Variants in UBE2F observed in about 807,000 individuals in gnomAD.
UBE2F encodes the protein NEDD8-conjugating enzyme UBE2F.
Under a neutral mutation model 29.6 loss-of-function variants are expected in UBE2F, and 5 were observed. That is an observed-to-expected ratio of 0.17 (90% confidence interval 0.09 to 0.36). UBE2F has a LOEUF of 0.36. UBE2F is among the 10% of genes least tolerant of loss of function. The pLI is 1.00. For synonymous variants in UBE2F, 66 were observed against 81.8 expected (o/e 0.81, Z 1.04); for missense variants, 141 against 228.5 (o/e 0.62, Z 2.47).
chr2:237,973,336 AAAG>A, intron 2 of UBE2F, 111 bp downstream of exon 2: 1 of 1,207,522 alleles, frequency 8.3e-7, no homozygotes, highest in South Asian at 1.4e-5. Flanking sequence ...TACCTGTTTA[AAAG>A]ATTTTAAAAT....
chr2:237,980,454 C>T (rs1226437734), intron 2 of UBE2F, among the ~76,000 whole-genome samples: 1 of 152,118 alleles, frequency 6.6e-6, no homozygotes, highest in Non-Finnish European at 1.5e-5. Context: ...AGCTCTGGTC[C>T]CTCTTTGTTT....
At chr2:237,968,386 A>G (rs7560440) in intron 1 of UBE2F, among the ~76,000 whole-genome samples, 131,813 of 152,196 alleles carry the variant, frequency 0.87, 57,281 homozygotes, top group East Asian at 0.97. Context: ...TGTGCCGAGC[A>G]GGAGGTTCCT....
chr2:238,028,602 G>A (rs79507610), intron 6 of UBE2F, among the ~76,000 whole-genome samples: 3,125 of 152,308 alleles, frequency 0.021, 109 homozygotes, highest in African/African-American at 0.072. Flanking sequence ...CAGTTGGTAG[G>A]ATACATGATT....
At chr2:237,993,156 T>A (rs2063623478) in intron 3 of UBE2F, among the ~76,000 whole-genome samples, 1 of 152,016 alleles carries the variant, frequency 6.6e-6, no homozygotes, top group African/African-American at 2.4e-5. Context: ...CCCAGCTAAT[T>A]TTTGTATTTT....
At chr2:237,990,444 C>G (rs548605198) in intron 3 of UBE2F, 1 of 449,968 alleles carries the variant, frequency 2.2e-6, no homozygotes, top group African/African-American at 2.1e-5. Context: ...TCTTTGTTGC[C>G]CAAGTTGGAG....
chr2:237,983,713 CTG>C (rs1174008894), intron 2 of UBE2F, among the ~76,000 whole-genome samples: 1 of 152,126 alleles, frequency 6.6e-6, no homozygotes, highest in African/African-American at 2.4e-5. Flanking sequence ...ACTTCGTACT[CTG>C]GGTTCCATCT....
intron 3 of UBE2F, among the ~76,000 whole-genome samples, chr2:237,990,713 A>T (rs1020204153): frequency 2.0e-5 from 3 of 151,754 alleles, no homozygotes; most frequent in African/African-American, 7.3e-5. Context: ...GTGAGCCGAG[A>T]TAGCACCAGT....
intron 5 of UBE2F, among the ~76,000 whole-genome samples, chr2:238,017,688 G>A (rs1306095469): frequency 2.0e-5 from 3 of 152,156 alleles, no homozygotes; most frequent in Non-Finnish European, 4.4e-5. Flanking sequence ...TCTTACTGGC[G>A]TGCACCATGG....
chr2:238,018,559 G>A (rs2064216570), intron 5 of UBE2F, among the ~76,000 whole-genome samples: 1 of 151,990 alleles, frequency 6.6e-6, no homozygotes, highest in Non-Finnish European at 1.5e-5. Context: ...TGGTTCAGTG[G>A]GTTATTTATT....
At chr2:238,010,380 C>T (rs1294575519) in intron 4 of UBE2F, among the ~76,000 whole-genome samples, 1 of 152,148 alleles carries the variant, frequency 6.6e-6, no homozygotes, top group Admixed American at 6.5e-5. Flanking sequence ...ACCATGTTGG[C>T]CAGGCTGGTC....
At chr2:238,000,184 A>G (rs1175322881) in intron 4 of UBE2F, among the ~76,000 whole-genome samples, 1 of 152,192 alleles carries the variant, frequency 6.6e-6, no homozygotes, top group Non-Finnish European at 1.5e-5. Flanking sequence ...CTTTTTCATT[A>G]CTGATACAGT....
chr2:237,973,424 T>C (rs2063213842), intron 2 of UBE2F, among the ~76,000 whole-genome samples, 199 bp downstream of exon 2: 1 of 152,212 alleles, frequency 6.6e-6, no homozygotes, highest in South Asian at 2.1e-4. Flanking sequence ...AAGGAGATGG[T>C]ATTAGAAACT....
At chr2:237,979,647 AC>A (rs2063344597) in intron 2 of UBE2F, among the ~76,000 whole-genome samples, 1 of 152,158 alleles carries the variant, frequency 6.6e-6, no homozygotes, top group Non-Finnish European at 1.5e-5. Flanking sequence ...CCACAGGCTG[AC>A]CTTTAGATGC....
intron 8 of UBE2F, among the ~76,000 whole-genome samples, chr2:238,032,906 T>C (rs1407198628): frequency 1.3e-5 from 2 of 151,516 alleles, no homozygotes; most frequent in African/African-American, 4.9e-5. Flanking sequence ...TGTGGGGAGG[T>C]TGTCTGGGGC....
At chr2:237,970,540 C>T (rs534242561) in intron 1 of UBE2F, among the ~76,000 whole-genome samples, 5 of 152,260 alleles carry the variant, frequency 3.3e-5, no homozygotes, top group African/African-American at 4.8e-5. Flanking sequence ...TCCATTCCAA[C>T]TTTGCAATTC....
At position 238,017,525 on chromosome 2, in the gene UBE2F, C is replaced by A. The variant is rs545576709; in HGVS notation, c.282+892C>A. ...ATGTGGGGGTTTGGTTGGGCATTTT[C>A]GATTTGGCAGTGACAAACCACTGGA... On this transcript the variant is annotated intron_variant, in intron 5 of 9. Coordinates refer to ENST00000272930, the MANE Select transcript of UBE2F (RefSeq NM_080678.3). Among the ~76,000 whole-genome samples, 13 of 152,188 alleles carry A rather than the reference C, an allele frequency of 8.5e-5. No individual in the cohort carries two copies. In the East Asian group the frequency reaches 2.5e-3, roughly 29 times the overall value.
At chr2:237,973,706 T>C (rs1468018896) in intron 2 of UBE2F, 1 of 1,298,430 alleles carries the variant, frequency 7.7e-7, no homozygotes. Context: ...ATTAATAACA[T>C]ATAGTGTTCT....
In UBE2F at chr2:237,967,107, C is replaced by T. The variant is rs2063070051; in HGVS notation, c.-42C>T. On this transcript the variant is annotated 5_prime_UTR_variant, in exon 1 of 10. Transcript: ENST00000272930. This position sits in a 1 kb window ranked among gnomAD's most constrained non-coding sequence, Gnocchi z 6.3. Reference sequence around the variant, plus strand: ...CGGGCATGGTGTTGGGCGCCGGGCCCGCCTCGCCTGTCTCGGGGAGCCCAG... The same window carrying T: ...CGGGCATGGTGTTGGGCGCCGGGCCTGCCTCGCCTGTCTCGGGGAGCCCAG... 7 of 1,343,648 alleles carry T rather than the reference C, an allele frequency of 5.2e-6. No homozygotes were observed. Among genetic ancestry groups the T allele is most frequent in the South Asian group, 1.7e-5 (1 of 57,582 alleles). 83.2% of individuals were successfully genotyped at this position (1,343,648 alleles called of 1,614,324 possible). A position where few individuals can be genotyped will look rare whatever the true frequency, so the allele number is the denominator to read the frequency against.
chr2:238,014,467 C>G (rs945360361), intron 4 of UBE2F, among the ~76,000 whole-genome samples: 1 of 152,140 alleles, frequency 6.6e-6, no homozygotes, highest in African/African-American at 2.4e-5. Flanking sequence ...AAGTGATAAT[C>G]ATATTAGACC....
Sources: gnomAD v4.1 joint callset for allele counts (sites outside exome capture counted in the v4.1 genomes callset) on GRCh38, gnomAD v4.1.1 for gene constraint, Gnocchi (gnomAD v3.1) non-coding constraint, MANE v1.5 for transcripts, NCBI Gene and HGNC (gene_info 2026-07-23, HGNC 2026-07-21) for gene names.